Variants in BSDC1 observed in about 807,000 individuals in gnomAD.
The protein encoded by BSDC1 is BSD domain containing 1.
Under a neutral mutation model 56.0 loss-of-function variants are expected in BSDC1, and 29 were observed. The ratio of observed to expected loss-of-function variants is 0.52; its 90% CI spans 0.39 to 0.71. The LOEUF is 0.71. Ranked by LOEUF, BSDC1 falls within the 30% of genes least tolerant of loss-of-function variation. The pLI is 0.00. For missense variants in BSDC1, 477 were observed against 548.5 expected, an observed-to-expected ratio of 0.87 and a Z score of 1.30; for synonymous variants, 210 against 215.3, an observed-to-expected ratio of 0.98 and a Z score of 0.21.
Position 32,378,118 on chromosome 1 carries a change from A to G in BSDC1, c.598-70T>C. The stretch of plus-strand genomic sequence containing the variant: ...CTTCCTAGACCCTGGTCCTGATCCC[A>G]CAACTCTTGGCACCCTGTATCCCTT... On this transcript the variant is annotated intron_variant, in intron 7 of 10. Transcript: ENST00000455895. This position sits in a 1 kb window ranked among gnomAD's most constrained non-coding sequence, Gnocchi z 5.2. 1.3e-6 allele frequency: 2 copies of G among 1,599,790 alleles called. No homozygotes were observed. Among genetic ancestry groups the G allele is most frequent in the Non-Finnish European group, 1.7e-6 (2 of 1,169,924 alleles).
At chr1:32,371,288 A>T (rs2148112272) in intron 9 of BSDC1, among the ~76,000 whole-genome samples, 1 of 149,988 alleles carries the variant, frequency 6.7e-6, no homozygotes, top group Non-Finnish European at 1.5e-5. Context: ...AAATGAACAC[A>T]TACGACTTTG....
rs1466937754 is a variant in BSDC1 at position 32,381,233 on chromosome 1, G to A, written c.393C>T (p.Thr131=). 41 of 1,613,848 alleles carry A rather than the reference G, an allele frequency of 2.5e-5. No homozygotes were observed. Among genetic ancestry groups the A allele is most frequent in the Non-Finnish European group, 3.5e-5 (41 of 1,179,848 alleles). ...TCTCACCATCTGGTTCATTACAGTAGGTTGCTGGGTCCGACTGCAGGCTAT... is the reference window on the plus strand; with the variant it reads ...TCTCACCATCTGGTTCATTACAGTAAGTTGCTGGGTCCGACTGCAGGCTAT... The part of the protein sequence containing the change: ...RLYSLQSDPA[T]YCNEPDGPPE... Residue 131 remains threonine (T), a synonymous_variant, in exon 5 of 11, where the codon ACC becomes ACT. Transcript: ENST00000455895.
chr1:32,377,948 C>T lies in BSDC1; in HGVS notation c.676+22G>A, dbSNP rs555357103. On this transcript the variant is annotated intron_variant, in intron 8 of 10. Coordinates refer to ENST00000455895, the MANE Select transcript of BSDC1 (RefSeq NM_018045.8). ...TCCCGCACAGATGTGACACTTGCCC[C>T]TCACCTCTCAACGCCTCTTACCTTC... 116 of 1,602,802 alleles carry T rather than the reference C, an allele frequency of 7.2e-5. 4 individuals carry two copies. The Admixed American group carries it at 1.7e-3, about 24-fold the overall frequency.
chr1:32,369,605 C>A (rs1330935613), intron 9 of BSDC1, among the ~76,000 whole-genome samples: 1 of 152,226 alleles, frequency 6.6e-6, no homozygotes, highest in Admixed American at 6.5e-5. Context: ...CAGAAACATA[C>A]CAGGCGCATT....
intron 9 of BSDC1, 138 bp from the exon 10 acceptor site, chr1:32,368,688 G>T: frequency 7.9e-7 from 1 of 1,265,372 alleles, no homozygotes; most frequent in Non-Finnish European, 1.1e-6. Context: ...TCACTCTGGC[G>T]CACCAATCGT....
Position 32,366,726 on chromosome 1 carries a change from C to T in BSDC1, c.1261-72G>A. The T allele has an allele frequency of 6.2e-6, 9 of 1,444,078 alleles. No individual in the cohort carries two copies. In the South Asian group the frequency reaches 9.0e-5, roughly 14 times the overall value. The allele number at this position is 1,444,078 out of a possible 1,614,324, so 89.5% of individuals were successfully genotyped here. On this transcript the variant is annotated intron_variant, in intron 10 of 10. Transcript: ENST00000455895. ...CTGAGTCAGGCCCAGACCTAACCTC[C>T]ACTTGCTGAGCAGAGCCACCTCCCA...
intron 9 of BSDC1, 44 bp downstream of exon 9, chr1:32,376,217 GC>G: frequency 7.1e-7 from 1 of 1,416,098 alleles, no homozygotes. Context: ...TCAGGAGGTG[GC>G]CCTGACCGCA....
chr1:32,390,056 T>TG (rs1424425589), intron 2 of BSDC1, among the ~76,000 whole-genome samples: 1 of 151,588 alleles, frequency 6.6e-6, no homozygotes, highest in Non-Finnish European at 1.5e-5. Context: ...ACAGTCCTGA[T>TG]GGACATAAAA....
intron 9 of BSDC1, 41 bp from the exon 10 acceptor site, chr1:32,368,591 G>A (rs1325896902): frequency 3.1e-5 from 50 of 1,612,566 alleles, no homozygotes; most frequent in Non-Finnish European, 4.2e-5. Flanking sequence ...GGAGGAGGCA[G>A]GGAAGGGGCA....
chr1:32,369,024 G>C (rs1171812442), intron 9 of BSDC1, among the ~76,000 whole-genome samples: 1 of 152,154 alleles, frequency 6.6e-6, no homozygotes, highest in African/African-American at 2.4e-5. Flanking sequence ...CTATTCTAAG[G>C]AAAAATCTTG....
intron 9 of BSDC1, among the ~76,000 whole-genome samples, chr1:32,368,973 A>G (rs1641966663): frequency 6.6e-6 from 1 of 152,204 alleles, no homozygotes; most frequent in Middle Eastern, 3.2e-3. Context: ...TGCTGGGATT[A>G]TAGGTGTGAG....
At chr1:32,390,961 G>A (rs968156539) in intron 2 of BSDC1, among the ~76,000 whole-genome samples, 1 of 151,874 alleles carries the variant, frequency 6.6e-6, no homozygotes, top group African/African-American at 2.4e-5. Flanking sequence ...TCTAAGAGTC[G>A]CCCTAACAGG....
chr1:32,378,279 G>T lies in BSDC1; in HGVS notation c.533C>A (p.Pro178Gln), dbSNP rs1642365663. ...SIRALYTKMV[P>Q]AAVSHSEFWH... is the part of the protein sequence containing the mutation. ...GAATTCTGAATGGGAAACAGCTGCT[G>T]GAACCTGGAGGGAGGGGAAAATGGA... Residue 178 changes from proline to glutamine, a missense_variant, in exon 7 of 11, where the codon CCA (proline) becomes CAA (glutamine). By Grantham distance (76) the Pro-to-Gln change is moderately conservative. Transcript: ENST00000455895. This position sits in a 1 kb window ranked among gnomAD's most constrained non-coding sequence, Gnocchi z 5.2. The T allele has an allele frequency of 6.2e-7, 1 of 1,614,208 alleles. No individual in the cohort carries two copies.
rs769435395 is a variant in BSDC1, at chr1:32,383,940, C to T, written c.247G>A (p.Gly83Arg). Residue 83 changes from glycine to arginine, a missense_variant, in exon 4 of 11, where the codon GGG becomes AGG. Gly to Arg is a moderately radical substitution (Grantham distance 125). Coordinates refer to ENST00000455895, the MANE Select transcript of BSDC1 (RefSeq NM_018045.8). Reference sequence around the variant, plus strand: ...GGGGCAAAGGTGTCTGAGATCACCCCTAGGAAGTCAGATAACCCTTTCTTC... The same window carrying T: ...GGGGCAAAGGTGTCTGAGATCACCCTTAGGAAGTCAGATAACCCTTTCTTC... The part of the protein sequence containing the change: ...KMKKGLSDFL[G>R]VISDTFAPSP... The T allele has an allele frequency of 6.2e-7, 1 of 1,612,888 alleles. No homozygotes were observed. The highest frequency in any genetic ancestry group is 8.5e-7 in the Non-Finnish European group (1 of 1,179,980).
intron 1 of BSDC1, 67 bp downstream of exon 1, chr1:32,394,337 C>G (rs1046022408): frequency 1.2e-6 from 2 of 1,612,822 alleles, no homozygotes; most frequent in African/African-American, 1.3e-5. Flanking sequence ...CACCGGGACT[C>G]TCGCCCAGCA....
At chr1:32,394,054 GGAA>G (rs760524456) in intron 2 of BSDC1, 23 bp downstream of exon 2, 4 of 1,602,056 alleles carry the variant, frequency 2.5e-6, no homozygotes, top group South Asian at 1.1e-5. Flanking sequence ...CCCTGCTGAG[GGAA>G]GAAGGGCACG....
chr1:32,393,381 G>A (rs1486866865), intron 2 of BSDC1, among the ~76,000 whole-genome samples: 1 of 152,132 alleles, frequency 6.6e-6, no homozygotes, highest in East Asian at 1.9e-4. Flanking sequence ...AACTCATCAG[G>A]CACCAGTGTG....
chr1:32,393,494 GT>G (rs1642937827), intron 2 of BSDC1: 1 of 152,778 alleles, frequency 6.5e-6, no homozygotes, highest in South Asian at 2.0e-4. Context: ...TCCCTGGTGA[GT>G]TACTGACTAA....
At position 32,377,972 on chromosome 1, in the gene BSDC1, T is replaced by G; in HGVS notation, c.674A>C (p.Glu225Ala). 1 of 1,611,606 alleles carries G rather than the reference T, an allele frequency of 6.2e-7. No homozygotes were observed. The highest frequency in any genetic ancestry group is 8.5e-7 in the Non-Finnish European group (1 of 1,178,578). ...CCTCACCTCTCAACGCCTCTTACCT[T>G]CCTCCTCCTCCCAGCCGGGCTCTTC... ...ISEEPGWEEEEEELMGISPIS... is the reference protein window; with the variant it reads ...ISEEPGWEEEAEELMGISPIS... Residue 225 changes from glutamate (E) to alanine (A), a missense_variant and splice_region_variant, in exon 8 of 11, where the codon GAA becomes GCA. Physicochemically the swap from Glu to Ala is moderately radical, Grantham distance 107 (BLOSUM62 -1). Coordinates refer to ENST00000455895, the MANE Select transcript of BSDC1 (RefSeq NM_018045.8).
Sources: gnomAD v4.1 joint callset for allele counts (sites outside exome capture counted in the v4.1 genomes callset) on GRCh38, gnomAD v4.1.1 for gene constraint, Gnocchi (gnomAD v3.1) non-coding constraint, MANE v1.5 for transcripts, NCBI Gene and HGNC (gene_info 2026-07-23, HGNC 2026-07-21) for gene names.